Variants in CNTNAP2 observed in about 807,000 individuals in gnomAD.
CNTNAP2 encodes contactin-associated protein-like 2.
In CNTNAP2, 98 loss-of-function variants were observed where a neutral mutation model predicts 155.2. The observed-to-expected ratio is 0.63, with a 90% CI of 0.54 to 0.75. CNTNAP2 has a LOEUF of 0.75. Among genes scored for constraint, CNTNAP2 ranks in the 30% least tolerant of loss-of-function variants. The pLI is 0.00. For synonymous variants in CNTNAP2, 651 were observed against 631.2 expected, an observed-to-expected ratio of 1.03 and a Z score of -0.47; for missense variants, 1,727 against 1,688.1, an observed-to-expected ratio of 1.02 and a Z score of -0.40.
At chr7:146,431,300 C>A (rs565407253) in intron 1 of CNTNAP2, among the ~76,000 whole-genome samples, 16 of 152,000 alleles carry the variant, frequency 1.1e-4, no homozygotes, top group Non-Finnish European at 1.9e-4. Context: ...CATGCATTCT[C>A]TTCTTAAATG....
At chr7:147,078,465 T>A (rs1256514300) in intron 4 of CNTNAP2, among the ~76,000 whole-genome samples, 2 of 152,186 alleles carry the variant, frequency 1.3e-5, no homozygotes, top group African/African-American at 4.8e-5. Context: ...TCCCATCTCA[T>A]GCTTGATAAG....
intron 2 of CNTNAP2, among the ~76,000 whole-genome samples, chr7:146,803,854 G>A (rs10246683): frequency 0.39 from 58,947 of 152,036 alleles, 14,981 homozygotes; most frequent in African/African-American, 0.73. Flanking sequence ...CTGGAAAGCA[G>A]TTTAAAGCTT....
intron 9 of CNTNAP2, among the ~76,000 whole-genome samples, chr7:147,356,963 G>A (rs1308039390): frequency 1.3e-5 from 2 of 152,082 alleles, no homozygotes; most frequent in Non-Finnish European, 2.9e-5. Flanking sequence ...GTCATCTTCT[G>A]TATTGGGAAC....
At chr7:148,383,391 A>G (rs998777028) in intron 21 of CNTNAP2, among the ~76,000 whole-genome samples, 3 of 152,218 alleles carry the variant, frequency 2.0e-5, no homozygotes, top group African/African-American at 7.2e-5. Flanking sequence ...TGAAGTAGCC[A>G]GAAGGTACTG....
chr7:146,820,734 T>C (rs1294303533), intron 2 of CNTNAP2, among the ~76,000 whole-genome samples: 1 of 152,206 alleles, frequency 6.6e-6, no homozygotes, highest in African/African-American at 2.4e-5. Flanking sequence ...TAACTTTGTG[T>C]CTCGCTGATC....
chr7:147,687,364 G>C (rs1344336823), intron 13 of CNTNAP2, among the ~76,000 whole-genome samples: 1 of 152,096 alleles, frequency 6.6e-6, no homozygotes, highest in East Asian at 1.9e-4. Flanking sequence ...TCATTCACAG[G>C]TCAGTCTGTG....
rs562719048 is a variant in CNTNAP2, at chr7:148,410,530, G to GTAC, written c.3796+1061_3796+1063dup. Among the ~76,000 whole-genome samples the GTAC allele has an allele frequency of 1.8e-4, 24 of 130,128 alleles. No homozygotes were observed. The South Asian group carries it at 2.2e-3, about 12-fold the overall frequency. 85.4% of individuals were successfully genotyped at this position (130,128 alleles called of 152,430 possible). A position where few individuals can be genotyped will look rare whatever the true frequency, so the allele number is the denominator to read the frequency against. On this transcript the variant is annotated intron_variant, in intron 23 of 23. Transcript: ENST00000361727. ...TGCAGTGAGCTGAGATCACACCACT[G>GTAC]TACTCCAGTCTAGGTGACAGATTGA... is the stretch of plus-strand genomic sequence containing the variant.
At chr7:147,882,640 C>T (rs975138400) in intron 13 of CNTNAP2, among the ~76,000 whole-genome samples, 4 of 152,152 alleles carry the variant, frequency 2.6e-5, no homozygotes, top group Non-Finnish European at 4.4e-5. Flanking sequence ...CCTGTGACTA[C>T]GAGCCAGGCT....
At chr7:147,137,942 T>C (rs1801521302) in intron 8 of CNTNAP2, among the ~76,000 whole-genome samples, 1 of 151,670 alleles carries the variant, frequency 6.6e-6, no homozygotes, top group Admixed American at 6.6e-5. Context: ...GTATTGTCCC[T>C]TAAAACTATT....
At chr7:148,156,308 T>G (rs1168871128) in intron 17 of CNTNAP2, among the ~76,000 whole-genome samples, 1 of 152,216 alleles carries the variant, frequency 6.6e-6, no homozygotes, top group African/African-American at 2.4e-5. Context: ...AGCATGGATC[T>G]CTAAGTCTCA....
intron 8 of CNTNAP2, among the ~76,000 whole-genome samples, chr7:147,225,985 GAGAAAGAA>G (rs141223209): frequency 2.6e-5 from 4 of 151,110 alleles, no homozygotes; most frequent in East Asian, 2.0e-4. Context: ...GAAAGAAAGA[GAGAAAGAA>G]AGAAAGAAAG....
intron 13 of CNTNAP2, among the ~76,000 whole-genome samples, chr7:147,723,789 A>G (rs575764194): frequency 1.3e-5 from 2 of 152,116 alleles, no homozygotes; most frequent in East Asian, 1.9e-4. Flanking sequence ...ATGGGGTACA[A>G]TGTGATGTTT....
At chr7:146,988,343 T>TTA (rs771080024) in intron 3 of CNTNAP2, among the ~76,000 whole-genome samples, 39 of 151,570 alleles carry the variant, frequency 2.6e-4, no homozygotes, top group East Asian at 1.2e-3. Flanking sequence ...AACAGGGTAT[T>TTA]TATATATATA....
At chr7:148,283,271 G>GTT (rs1269987512) in intron 21 of CNTNAP2, among the ~76,000 whole-genome samples, 12 of 70,346 alleles carry the variant, frequency 1.7e-4, no homozygotes, top group African/African-American at 7.7e-4. Flanking sequence ...AAGAAAGAAA[G>GTT]AAAGAAAGAA....
chr7:148,090,207 T>C (rs1803812164), intron 15 of CNTNAP2, among the ~76,000 whole-genome samples: 1 of 152,066 alleles, frequency 6.6e-6, no homozygotes, highest in Admixed American at 6.5e-5. Context: ...AAAGATTTTT[T>C]GGCTATGACC....
intron 3 of CNTNAP2, among the ~76,000 whole-genome samples, chr7:146,959,274 T>C (rs1335836811): frequency 6.6e-6 from 1 of 152,076 alleles, no homozygotes; most frequent in Non-Finnish European, 1.5e-5. Flanking sequence ...CGCCTCGGCC[T>C]CCCAAAGTGA....
chr7:147,955,799 A>G (rs1210981193), intron 14 of CNTNAP2, among the ~76,000 whole-genome samples: 1 of 152,208 alleles, frequency 6.6e-6, no homozygotes, highest in Non-Finnish European at 1.5e-5. Flanking sequence ...CGCCGTGCAC[A>G]TATCTTGAGA....
At chr7:147,582,520 A>C (rs557375585) in intron 12 of CNTNAP2, among the ~76,000 whole-genome samples, 1 of 152,254 alleles carries the variant, frequency 6.6e-6, no homozygotes, top group African/African-American at 2.4e-5. Context: ...AAAGTACAAA[A>C]CAAGTGTCAT....
intron 19 of CNTNAP2, 87 bp from the exon 20 acceptor site, chr7:148,229,559 G>C: frequency 1.4e-6 from 2 of 1,481,380 alleles, no homozygotes. Context: ...AAGAAAGAAA[G>C]AATCTAAGAG....
Sources: gnomAD v4.1 joint callset for allele counts (sites outside exome capture counted in the v4.1 genomes callset) on GRCh38, gnomAD v4.1.1 for gene constraint, MANE v1.5 for transcripts, NCBI Gene and HGNC (gene_info 2026-07-23, HGNC 2026-07-21) for gene names.